Variants in CELF2 observed in about 807,000 individuals in gnomAD.
CELF2 encodes the protein CUGBP Elav-like family member 2.
In CELF2, 8 loss-of-function variants were observed where a neutral mutation model predicts 62.6. That is an observed-to-expected ratio of 0.13 (90% CI 0.07 to 0.23). The LOEUF is 0.23. CELF2 is among the 10% of genes least tolerant of loss of function. CELF2 has a pLI of 1.00. For synonymous variants in CELF2, 258 were observed against 250.0 expected (o/e 1.03, Z -0.30); for missense variants, 333 against 671.0 (o/e 0.50, Z 5.56).
intron 1 of CELF2, among the ~76,000 whole-genome samples, chr10:11,057,375 G>A (rs1056592499): frequency 6.6e-6 from 1 of 152,174 alleles, no homozygotes; most frequent in Admixed American, 6.5e-5. Context: ...GTGATTTTAA[G>A]AATGCCTTGA....
chr10:10,892,969 A>G (rs1257707636), intron 1 of CELF2, among the ~76,000 whole-genome samples: 2 of 152,200 alleles, frequency 1.3e-5, no homozygotes, highest in Non-Finnish European at 2.9e-5. Flanking sequence ...GAAAATGTTG[A>G]TATCATTTTT....
chr10:10,623,805 C>T, the CELF2 span, among the ~76,000 whole-genome samples: 40 of 152,226 alleles, frequency 2.6e-4, no homozygotes, highest in Middle Eastern at 3.4e-3. Context: ...TAATCCTTAC[C>T]GCAAATCTTC....
chr10:10,657,665 G>C, the CELF2 span, among the ~76,000 whole-genome samples: 1 of 152,118 alleles, frequency 6.6e-6, no homozygotes, highest in African/African-American at 2.4e-5. Flanking sequence ...TACTACACAT[G>C]CCTTAAGGAT....
chr10:10,522,070 C>T, the CELF2 span, among the ~76,000 whole-genome samples: 1 of 152,130 alleles, frequency 6.6e-6, no homozygotes, highest in Non-Finnish European at 1.5e-5. Flanking sequence ...GCAGGGATGA[C>T]AAAACCTTGC....
chr10:10,500,056 T>C, the CELF2 span, among the ~76,000 whole-genome samples: 3 of 152,122 alleles, frequency 2.0e-5, no homozygotes, highest in Non-Finnish European at 4.4e-5. Flanking sequence ...TCAATAACAT[T>C]TAAGTGAGTC....
intron 3 of CELF2, among the ~76,000 whole-genome samples, chr10:11,238,949 T>C (rs1281650826): frequency 6.6e-6 from 1 of 152,210 alleles, no homozygotes; most frequent in African/African-American, 2.4e-5. Flanking sequence ...TAATCACAGC[T>C]AACGAGTGTG....
the CELF2 span, among the ~76,000 whole-genome samples, chr10:10,556,607 C>T: frequency 6.6e-5 from 10 of 152,152 alleles, no homozygotes; most frequent in Admixed American, 6.5e-5. Flanking sequence ...GGAGTCGCCA[C>T]GCTGACTTCC....
chr10:10,486,267 T>C, the CELF2 span, among the ~76,000 whole-genome samples: 5 of 152,172 alleles, frequency 3.3e-5, no homozygotes, highest in Admixed American at 3.3e-4. Flanking sequence ...AACCTTTTCC[T>C]TTTCTCACTG....
intron 9 of CELF2, among the ~76,000 whole-genome samples, chr10:11,307,444 A>T (rs1341869009): frequency 6.6e-6 from 1 of 152,244 alleles, no homozygotes; most frequent in Admixed American, 6.5e-5. Flanking sequence ...GAAAGTGGGG[A>T]AAAGTGTTAC....
chr10:10,697,421 A>G, the CELF2 span, among the ~76,000 whole-genome samples: 4,693 of 152,274 alleles, frequency 0.031, 190 homozygotes, highest in African/African-American at 0.094. Flanking sequence ...CCAGTGTGCA[A>G]ATTGGAAGCT....
At chr10:10,618,008 T>G in the CELF2 span, among the ~76,000 whole-genome samples, 3 of 152,062 alleles carry the variant, frequency 2.0e-5, no homozygotes, top group African/African-American at 7.3e-5. Flanking sequence ...AAAGCAATCT[T>G]GAACTCTTAT....
At chr10:10,917,999 T>C (rs945202299) in intron 1 of CELF2, 2 of 152,132 alleles carry the variant, frequency 1.3e-5, no homozygotes, top group African/African-American at 4.8e-5. Context: ...CACAAAGAAA[T>C]TCAGTTGTAT....
chr10:10,714,804 A>C, the CELF2 span, among the ~76,000 whole-genome samples: 1 of 152,162 alleles, frequency 6.6e-6, no homozygotes, highest in Non-Finnish European at 1.5e-5. Context: ...TATGTTAGCT[A>C]AGTTCTAAGA....
At chr10:11,259,947 A>G (rs1164523513) in intron 5 of CELF2, among the ~76,000 whole-genome samples, 1 of 152,232 alleles carries the variant, frequency 6.6e-6, no homozygotes, top group Non-Finnish European at 1.5e-5. Flanking sequence ...TCTCAGTCAC[A>G]CTTCAGTGTT....
chr10:11,192,059 C>A (rs2076397411), intron 2 of CELF2, among the ~76,000 whole-genome samples: 1 of 152,190 alleles, frequency 6.6e-6, no homozygotes, highest in Non-Finnish European at 1.5e-5. Flanking sequence ...CAGCCCCTTC[C>A]TGAGCACACT....
At chr10:10,891,696 T>C (rs1352135372) in intron 1 of CELF2, among the ~76,000 whole-genome samples, 1 of 152,208 alleles carries the variant, frequency 6.6e-6, no homozygotes, top group African/African-American at 2.4e-5. Flanking sequence ...CTTCGCTGTT[T>C]ATTAGCTGCA....
At chr10:10,818,546 C>CTTTTTTTTTTT (rs3028992) in intron 1 of CELF2, among the ~76,000 whole-genome samples, 4 of 116,540 alleles carry the variant, frequency 3.4e-5, no homozygotes, top group African/African-American at 3.4e-5. Flanking sequence ...TAAATATTTC[C>CTTTTTTTTTTT]TTTTTTTTTT....
At position 11,110,665 on chromosome 10, in the gene CELF2, TG is replaced by T; in HGVS notation, c.75-54820del. On this transcript the variant is annotated intron_variant, in intron 1 of 12. Coordinates refer to ENST00000633077, the MANE Select transcript of CELF2 (RefSeq NM_001326342.2). This position sits in a 1 kb window ranked among gnomAD's most constrained non-coding sequence, Gnocchi z 4.0. ...GGGGAGATGGCAGTGAGACAGCCAG[TG>T]TGACGTTGAGAGTGTTCTCATGGGT... Among the ~76,000 whole-genome samples the T allele has an allele frequency of 6.6e-6, 1 of 152,288 alleles. No homozygotes were observed. The highest frequency in any genetic ancestry group is 2.4e-5 in the African/African-American group (1 of 41,566).
chr10:11,026,820 A>C (rs1212367604), intron 1 of CELF2, among the ~76,000 whole-genome samples: 1 of 152,212 alleles, frequency 6.6e-6, no homozygotes, highest in Non-Finnish European at 1.5e-5. Context: ...GCAGTATCCA[A>C]ATACCTAGCT....
Sources: gnomAD v4.1 joint callset for allele counts (sites outside exome capture counted in the v4.1 genomes callset) on GRCh38, gnomAD v4.1.1 for gene constraint, Gnocchi (gnomAD v3.1) non-coding constraint, MANE v1.5 for transcripts, NCBI Gene and HGNC (gene_info 2026-07-23, HGNC 2026-07-21) for gene names.